Variants in TBC1D15 observed in about 807,000 individuals in gnomAD.
The protein encoded by TBC1D15 is GAP for RAB7.
TBC1D15 carries 39 observed loss-of-function variants against 95.4 expected under a neutral mutation model. The observed-to-expected ratio is 0.41, with a 90% CI of 0.32 to 0.53. TBC1D15 has a LOEUF of 0.53. Among genes scored for constraint, TBC1D15 ranks in the 20% least tolerant of loss-of-function variants. The pLI is 0.29. For synonymous variants in TBC1D15, 258 were observed against 261.3 expected (o/e 0.99, Z 0.12); for missense variants, 733 against 794.3 (o/e 0.92, Z 0.93).
At position 71,913,723 on chromosome 12, in the gene TBC1D15, G is replaced by C. The variant is rs561556965; in HGVS notation, c.1301-103G>C. The C allele has an allele frequency of 2.2e-5, 16 of 721,864 alleles. No homozygotes were observed. The African/African-American group carries it at 2.9e-4, about 13-fold the overall frequency. 44.7% of individuals were successfully genotyped at this position (721,864 alleles called of 1,614,324 possible). A position where few individuals can be genotyped will look rare whatever the true frequency, so the allele number is the denominator to read the frequency against. On this transcript the variant is annotated intron_variant, in intron 11 of 16. Coordinates refer to ENST00000485960, the MANE Select transcript of TBC1D15 (RefSeq NM_001146213.3). Reference sequence around the variant, plus strand: ...GTGTCTACCAATTTCTAAATGCAAAGGAGAAAGATACAATTTTAAGCGAAA... The same window carrying C: ...GTGTCTACCAATTTCTAAATGCAAACGAGAAAGATACAATTTTAAGCGAAA...
intron 1 of TBC1D15, among the ~76,000 whole-genome samples, chr12:71,862,124 T>C (rs151109326): frequency 6.6e-6 from 1 of 152,270 alleles, no homozygotes; most frequent in East Asian, 1.9e-4. Context: ...GTATTGGCCA[T>C]GTGTTGATGA....
chr12:71,897,662 T>A (rs1342174688), intron 9 of TBC1D15, among the ~76,000 whole-genome samples, 185 bp from the exon 10 acceptor site: 1 of 152,028 alleles, frequency 6.6e-6, no homozygotes, highest in Non-Finnish European at 1.5e-5. Flanking sequence ...TATTTATCGG[T>A]TATTTTTTTC....
At chr12:71,840,711 C>T (rs919822230) in intron 1 of TBC1D15, among the ~76,000 whole-genome samples, 1 of 152,202 alleles carries the variant, frequency 6.6e-6, no homozygotes, top group South Asian at 2.1e-4. Flanking sequence ...ATAGCGTCCT[C>T]TGTTCCTTGA....
At chr12:71,854,721 C>G (rs1004058437) in intron 1 of TBC1D15, 23 of 455,298 alleles carry the variant, frequency 5.1e-5, no homozygotes, top group Non-Finnish European at 7.5e-5. Context: ...TCTTCCTTCT[C>G]ATTGATAGTC....
chr12:71,888,580 G>A (rs1475700769), intron 5 of TBC1D15, among the ~76,000 whole-genome samples: 2 of 152,130 alleles, frequency 1.3e-5, no homozygotes, highest in African/African-American at 4.8e-5. Flanking sequence ...TAAACTGGCT[G>A]TTGTTACTTC....
chr12:71,871,702 C>T (rs1892730586), intron 1 of TBC1D15, among the ~76,000 whole-genome samples: 1 of 152,240 alleles, frequency 6.6e-6, no homozygotes, highest in Non-Finnish European at 1.5e-5. Flanking sequence ...CAAGCCCAGC[C>T]TCCCAGGTAG....
At chr12:71,900,118 C>T (rs1899027358) in intron 10 of TBC1D15, among the ~76,000 whole-genome samples, 1 of 151,748 alleles carries the variant, frequency 6.6e-6, no homozygotes, top group South Asian at 2.1e-4. Flanking sequence ...TAGTGATACC[C>T]CTTATGGAGA....
In TBC1D15 at chr12:71,924,203, AC is replaced by A. The variant is rs1485293963; in HGVS notation, c.*1001del. ...GTGTATGAACAAAGCTGTTGTTTTT[AC>A]CATGCAGTATTGCATGATTTTAAGT... On this transcript the variant is annotated 3_prime_UTR_variant, in exon 17 of 17. Transcript: ENST00000485960. 6.6e-6 allele frequency: 1 copy of A among 152,626 alleles called. No individual in the cohort carries two copies. Among genetic ancestry groups the A allele is most frequent in the Admixed American group, 6.5e-5 (1 of 15,284 alleles). 9.5% of individuals were successfully genotyped at this position (152,626 alleles called of 1,614,324 possible). A position where few individuals can be genotyped will look rare whatever the true frequency, so the allele number is the denominator to read the frequency against.
At chr12:71,877,158 A>C (rs902373780) in intron 3 of TBC1D15, among the ~76,000 whole-genome samples, 1 of 147,566 alleles carries the variant, frequency 6.8e-6, no homozygotes, top group African/African-American at 2.5e-5. Context: ...TATTGATGTT[A>C]AGTCTAATGC....
chr12:71,847,383 GT>G (rs138208282), intron 1 of TBC1D15, among the ~76,000 whole-genome samples: 28 of 149,514 alleles, frequency 1.9e-4, no homozygotes, highest in Non-Finnish European at 3.1e-4. Flanking sequence ...TGTATCATTA[GT>G]TTTTTTTTTA....
chr12:71,855,667 CAAAAAAAAA>C (rs1161851924), intron 1 of TBC1D15, among the ~76,000 whole-genome samples: 7,331 of 41,304 alleles, frequency 0.18, 282 homozygotes, highest in South Asian at 0.36. Context: ...GACTCCATCT[CAAAAAAAAA>C]AAAAAAAAAA....
intron 1 of TBC1D15, among the ~76,000 whole-genome samples, chr12:71,844,467 C>T (rs1370589812): frequency 1.3e-5 from 2 of 152,196 alleles, no homozygotes; most frequent in African/African-American, 4.8e-5. Flanking sequence ...TCCCTATACC[C>T]TCTACTAATT....
At chr12:71,875,133 T>G (rs1032494085) in intron 3 of TBC1D15, among the ~76,000 whole-genome samples, 1 of 151,976 alleles carries the variant, frequency 6.6e-6, no homozygotes, top group Non-Finnish European at 1.5e-5. Context: ...GAGACAGGGT[T>G]TCAGCATGTT....
chr12:71,892,800 T>C (rs1313029752), intron 5 of TBC1D15, among the ~76,000 whole-genome samples: 1 of 151,662 alleles, frequency 6.6e-6, no homozygotes, highest in Non-Finnish European at 1.5e-5. Flanking sequence ...ATAGGACATA[T>C]TTTCTGTATG....
intron 14 of TBC1D15, among the ~76,000 whole-genome samples, chr12:71,920,142 C>G (rs951838552): frequency 6.6e-6 from 1 of 152,038 alleles, no homozygotes; most frequent in East Asian, 1.9e-4. Context: ...AGGATATTAT[C>G]TGTATTTAGG....
At chr12:71,907,622 T>C (rs1328342204) in intron 11 of TBC1D15, 1 of 152,270 alleles carries the variant, frequency 6.6e-6, no homozygotes, top group Non-Finnish European at 1.5e-5. Context: ...ACTTATTCAG[T>C]TGTTTTGACC....
At chr12:71,847,375 TATCATTAG>T (rs1416339182) in intron 1 of TBC1D15, among the ~76,000 whole-genome samples, 3 of 151,334 alleles carry the variant, frequency 2.0e-5, no homozygotes, top group African/African-American at 7.3e-5. Flanking sequence ...GTGTTGTATG[TATCATTAG>T]TTTTTTTTTT....
chr12:71,906,023 C>T (rs980960989), intron 10 of TBC1D15, among the ~76,000 whole-genome samples: 1 of 151,954 alleles, frequency 6.6e-6, no homozygotes, highest in South Asian at 2.1e-4. Context: ...CAGATGCACA[C>T]CAGCATGCCC....
At chr12:71,889,205 A>G (rs140360761) in intron 5 of TBC1D15, among the ~76,000 whole-genome samples, 292 of 152,290 alleles carry the variant, frequency 1.9e-3, no homozygotes, top group Non-Finnish European at 3.5e-3. Flanking sequence ...AGGCTTAATC[A>G]TTAAGTTTTT....
Sources: allele counts gnomAD v4.1 joint callset (sites outside exome capture counted in the v4.1 genomes callset), GRCh38; gene constraint gnomAD v4.1.1; transcripts MANE v1.5; gene names NCBI Gene and HGNC (gene_info 2026-07-23, HGNC 2026-07-21).